The following WDR72 variants were observed in gnomAD, a reference collection of about 807,000 sequenced individuals.
WDR72 encodes WD repeat-containing protein 72.
In WDR72, 120 loss-of-function variants were observed where a neutral mutation model predicts 124.2. The ratio of observed to expected loss-of-function variants is 0.97; its 90% CI spans 0.83 to 1.12. The LOEUF (loss-of-function observed/expected upper bound fraction) is 1.12, where lower values mean the gene tolerates loss of function less well. Among genes scored for constraint, WDR72 ranks in the 50% most tolerant of loss-of-function variants. WDR72 has a pLI of 0.00. For missense variants in WDR72, 1,387 were observed against 1,278.8 expected (o/e 1.08, Z -1.29); for synonymous variants, 452 against 441.7 (o/e 1.02, Z -0.29).
chr15:53,752,045 G>A lies in WDR72; in HGVS notation c.-13+7588C>T, dbSNP rs113602939. ...AATCCTGCTAAGTAAACAATATTCCGATAAATGAAATTCTTGTCATTTATA... is the reference window on the plus strand; with the variant it reads ...AATCCTGCTAAGTAAACAATATTCCAATAAATGAAATTCTTGTCATTTATA... On this transcript the variant is annotated intron_variant, in intron 1 of 19. Coordinates refer to ENST00000360509, the MANE Select transcript of WDR72 (RefSeq NM_182758.4). Among the ~76,000 whole-genome samples the A allele has an allele frequency of 3.9e-3, 586 of 152,154 alleles. 1 individual carries two copies. Among genetic ancestry groups the A allele is most frequent in the Non-Finnish European group, 6.8e-3 (464 of 67,994 alleles).
intron 18 of WDR72, among the ~76,000 whole-genome samples, chr15:53,589,926 AAAG>A (rs2012413928): frequency 6.6e-6 from 1 of 152,064 alleles, no homozygotes; most frequent in Non-Finnish European, 1.5e-5. Context: ...CAGAAACAGT[AAAG>A]AAGTTTAGAA....
chr15:53,566,386 C>G (rs1008457928), intron 18 of WDR72, among the ~76,000 whole-genome samples: 1 of 151,998 alleles, frequency 6.6e-6, no homozygotes, highest in Non-Finnish European at 1.5e-5. Context: ...AATTTGGTAA[C>G]TGAATGCATG....
At chr15:53,750,143 G>A (rs1201573407) in intron 1 of WDR72, among the ~76,000 whole-genome samples, 4 of 152,176 alleles carry the variant, frequency 2.6e-5, no homozygotes, top group Non-Finnish European at 5.9e-5. Context: ...GACTTTGCTA[G>A]CTAGAATGGA....
chr15:53,522,309 GC>G (rs1891847971), intron 19 of WDR72, among the ~76,000 whole-genome samples: 1 of 151,978 alleles, frequency 6.6e-6, no homozygotes, highest in African/African-American at 2.4e-5. Flanking sequence ...AAGCTGACAG[GC>G]CACAGAGAGG....
chr15:53,605,641 G>A (rs1465344863), intron 17 of WDR72, among the ~76,000 whole-genome samples: 1 of 152,060 alleles, frequency 6.6e-6, no homozygotes, highest in Non-Finnish European at 1.5e-5. Flanking sequence ...GATCATTTGA[G>A]GTCAGGAGTT....
chr15:53,697,872 G>A (rs539692823), intron 13 of WDR72, among the ~76,000 whole-genome samples: 3 of 152,120 alleles, frequency 2.0e-5, no homozygotes, highest in East Asian at 1.9e-4. Context: ...GTAGTGGCGC[G>A]ATCTCCGCTC....
chr15:53,540,783 G>C (rs1018098598), intron 18 of WDR72: 20 of 155,270 alleles, frequency 1.3e-4, no homozygotes, highest in African/African-American at 4.3e-4. Context: ...GTCAGTGGGT[G>C]CGCGCACCGT....
intron 18 of WDR72, among the ~76,000 whole-genome samples, chr15:53,578,003 A>C (rs1451741105): frequency 6.6e-6 from 1 of 152,186 alleles, no homozygotes; most frequent in African/African-American, 2.4e-5. Flanking sequence ...CTGCTTTCAA[A>C]ATATCTTCAC....
chr15:53,736,145 T>C (rs191858790), intron 1 of WDR72, among the ~76,000 whole-genome samples: 2 of 152,208 alleles, frequency 1.3e-5, no homozygotes, highest in East Asian at 3.9e-4. Context: ...AAAGACCCAA[T>C]ATTTATCTAA....
At chr15:53,538,331 G>A in intron 18 of WDR72, among the ~76,000 whole-genome samples, 1 of 152,096 alleles carries the variant, frequency 6.6e-6, no homozygotes, top group East Asian at 1.9e-4. Flanking sequence ...CATCACTTGT[G>A]CATGGTTCTT....
intron 14 of WDR72, among the ~76,000 whole-genome samples, chr15:53,635,601 A>G (rs1333823063): frequency 6.6e-6 from 1 of 152,156 alleles, no homozygotes; most frequent in Non-Finnish European, 1.5e-5. Flanking sequence ...AGAAAACCAA[A>G]TACCACATGT....
chr15:53,729,950 T>C (rs1162859376), intron 2 of WDR72, among the ~76,000 whole-genome samples: 1 of 152,098 alleles, frequency 6.6e-6, no homozygotes, highest in Admixed American at 6.6e-5. Flanking sequence ...ATGTACAAAA[T>C]TATGTGTCAA....
intron 7 of WDR72, among the ~76,000 whole-genome samples, chr15:53,712,117 G>C (rs1051312319): frequency 4.6e-5 from 7 of 152,114 alleles, no homozygotes; most frequent in Non-Finnish European, 1.0e-4. Flanking sequence ...TATATTTTTA[G>C]TTCTGAAATG....
At chr15:53,659,702 TAAA>T (rs10717894) in intron 14 of WDR72, among the ~76,000 whole-genome samples, 52 of 145,934 alleles carry the variant, frequency 3.6e-4, no homozygotes, top group African/African-American at 1.2e-3. Context: ...AAGGCAGTTA[TAAA>T]AAAAAAAAAG....
Position 53,714,516 on chromosome 15 carries a change from A to G in WDR72, c.515-6T>C. The G allele has an allele frequency of 6.2e-7, 1 of 1,610,646 alleles. No homozygotes were observed. Among genetic ancestry groups the G allele is most frequent in the East Asian group, 2.2e-5 (1 of 44,822 alleles). ...TACCACCAAGAGAGAATCTTCTGTG[A>G]AAATAATAAAAGTCACATATAAGCT... On this transcript the variant is annotated splice_region_variant and splice_polypyrimidine_tract_variant and intron_variant, in intron 5 of 19. Coordinates refer to ENST00000360509, the MANE Select transcript of WDR72 (RefSeq NM_182758.4).
intron 18 of WDR72, among the ~76,000 whole-genome samples, chr15:53,527,806 A>C (rs1161011756): frequency 6.6e-6 from 1 of 152,090 alleles, no homozygotes; most frequent in African/African-American, 2.4e-5. Context: ...GGAAAGACTA[A>C]AAGATAGCTC....
intron 14 of WDR72, among the ~76,000 whole-genome samples, chr15:53,656,988 C>T (rs1254509004): frequency 2.0e-5 from 3 of 151,772 alleles, no homozygotes; most frequent in East Asian, 1.9e-4. Context: ...AAACAGGCCT[C>T]GCATGGTGGC....
chr15:53,531,158 T>G (rs1892441866), intron 18 of WDR72, among the ~76,000 whole-genome samples: 1 of 152,106 alleles, frequency 6.6e-6, no homozygotes, highest in Non-Finnish European at 1.5e-5. Context: ...TTTCGTATCA[T>G]TAGGCTGAGT....
At chr15:53,539,789 C>A (rs1044520327) in intron 18 of WDR72, among the ~76,000 whole-genome samples, 1 of 152,028 alleles carries the variant, frequency 6.6e-6, no homozygotes, top group Admixed American at 6.5e-5. Context: ...TATGTACAAA[C>A]TTACCATCTT....
Sources: gnomAD v4.1 joint callset for allele counts (sites outside exome capture counted in the v4.1 genomes callset) on GRCh38, gnomAD v4.1.1 for gene constraint, MANE v1.5 for transcripts, NCBI Gene and HGNC (gene_info 2026-07-23, HGNC 2026-07-21) for gene names.